Variants in GLRA2 observed in about 807,000 individuals in gnomAD.
GLRA2 encodes glycine receptor subunit alpha-2.
In GLRA2, 11 loss-of-function variants were observed where a neutral mutation model predicts 31.6. That is an observed-to-expected ratio of 0.35 (90% CI 0.22 to 0.58). The LOEUF is 0.58. Among genes scored for constraint, GLRA2 ranks in the 20% least tolerant of loss-of-function variants. The pLI is 0.84. For synonymous variants in GLRA2, 132 were observed against 134.0 expected, an observed-to-expected ratio of 0.99 and a Z score of 0.10; for missense variants, 212 against 351.8, an observed-to-expected ratio of 0.60 and a Z score of 3.18.
chrX:14,625,055 T>A (rs1027656782), intron 7 of GLRA2, among the ~76,000 whole-genome samples: 3 of 112,111 alleles, frequency 2.7e-5, no homozygotes, highest in Non-Finnish European at 5.6e-5. Context: ...GCATGTATCA[T>A]TAGGATAGTT....
At chrX:14,722,703 T>G (rs2091880969) in intron 8 of GLRA2, among the ~76,000 whole-genome samples, 1 of 111,821 alleles carries the variant, frequency 8.9e-6, no homozygotes, top group Non-Finnish European at 1.9e-5. Flanking sequence ...TGGGAACTGC[T>G]TCTCTTCTCT....
intron 7 of GLRA2, among the ~76,000 whole-genome samples, chrX:14,668,141 A>G (rs1046493071): frequency 8.9e-6 from 1 of 112,002 alleles, no homozygotes; most frequent in Admixed American, 9.5e-5. Flanking sequence ...CTGAGGCCTC[A>G]GCTCTTCACT....
At chrX:14,586,033 A>G (rs1239334598) in intron 4 of GLRA2, among the ~76,000 whole-genome samples, 1 of 111,776 alleles carries the variant, frequency 8.9e-6, no homozygotes, top group Non-Finnish European at 1.9e-5. Flanking sequence ...TTAACTCTAT[A>G]TGGGCACCAA....
intron 7 of GLRA2, among the ~76,000 whole-genome samples, chrX:14,618,355 T>A (rs1415349190): frequency 8.9e-6 from 1 of 111,871 alleles, no homozygotes; most frequent in African/African-American, 3.2e-5. Flanking sequence ...CTAAATATGC[T>A]CATTTCATGA....
chrX:14,531,224 T>G (rs1185574282), intron 1 of GLRA2: 2 of 721,008 alleles, frequency 2.8e-6, no homozygotes, highest in African/African-American at 2.2e-5. Context: ...TCCTACAAAA[T>G]ATTTATATCA....
the GLRA2 span, among the ~76,000 whole-genome samples, chrX:14,496,939 C>T: frequency 4.5e-5 from 5 of 111,646 alleles, no homozygotes; most frequent in South Asian, 1.9e-3. Flanking sequence ...ACCAGAGCAT[C>T]AAAGTCCTAG....
chrX:14,523,095 C>T, the GLRA2 span, among the ~76,000 whole-genome samples: 5 of 111,978 alleles, frequency 4.5e-5, no homozygotes, highest in African/African-American at 9.7e-5. Context: ...CTGTTGTTTA[C>T]GCTAACCCCC....
intron 4 of GLRA2, among the ~76,000 whole-genome samples, chrX:14,601,686 G>A (rs1406907529): frequency 3.6e-5 from 4 of 111,494 alleles, no homozygotes; most frequent in East Asian, 2.8e-4. Flanking sequence ...GATTGTCAGC[G>A]TGGATTCTTT....
chrX:14,639,790 C>T (rs190582229), intron 7 of GLRA2, among the ~76,000 whole-genome samples: 18 of 111,775 alleles, frequency 1.6e-4, no homozygotes, highest in African/African-American at 5.5e-4. Context: ...TGTTCACTTG[C>T]CTTATTTGTT....
At chrX:14,511,802 T>C in the GLRA2 span, among the ~76,000 whole-genome samples, 25 of 111,973 alleles carry the variant, frequency 2.2e-4, no homozygotes, top group Non-Finnish European at 4.7e-4. Flanking sequence ...TTGAAGTTTA[T>C]ATAGCCCTAC....
intron 7 of GLRA2, among the ~76,000 whole-genome samples, chrX:14,641,456 C>A (rs988334953): frequency 1.4e-4 from 15 of 111,055 alleles, no homozygotes; most frequent in Non-Finnish European, 2.3e-4. Context: ...TAAAATCCCA[C>A]AGTTTGGTGG....
intron 1 of GLRA2, 52 bp downstream of exon 1, chrX:14,530,177 T>C (rs2089235212): frequency 2.8e-6 from 2 of 718,351 alleles, no homozygotes; most frequent in East Asian, 6.3e-5. Flanking sequence ...AAAGAGAATG[T>C]GTCATGTAAT....
At chrX:14,503,568 G>A in the GLRA2 span, among the ~76,000 whole-genome samples, 1 of 111,667 alleles carries the variant, frequency 9.0e-6, no homozygotes, top group African/African-American at 3.2e-5. Context: ...GTCCCTGGCT[G>A]CAATACTTGC....
intron 7 of GLRA2, among the ~76,000 whole-genome samples, chrX:14,670,657 C>T (rs1323916111): frequency 3.6e-5 from 4 of 110,985 alleles, no homozygotes; most frequent in Admixed American, 9.6e-5. Context: ...GACAACAGCA[C>T]GGGAAAGACC....
intron 7 of GLRA2, among the ~76,000 whole-genome samples, chrX:14,669,912 A>G (rs1362556612): frequency 8.9e-6 from 1 of 112,623 alleles, no homozygotes; most frequent in Non-Finnish European, 1.9e-5. Context: ...ATTTCTCCTC[A>G]GAAAATGGGA....
intron 7 of GLRA2, among the ~76,000 whole-genome samples, chrX:14,619,401 C>G (rs753233852): frequency 7.2e-5 from 8 of 110,713 alleles, no homozygotes; most frequent in Non-Finnish European, 1.3e-4. Context: ...CATAATCTAT[C>G]CCCTATTTCC....
Position 14,730,596 on chromosome X carries a change from G to C in GLRA2, c.*111G>C, listed in dbSNP as rs1371201310. On this transcript the variant is annotated 3_prime_UTR_variant, in exon 9 of 9. Transcript: ENST00000218075. The stretch of plus-strand genomic sequence containing the variant: ...GAGGAGAAGATTGAGGGAGGGGGGA[G>C]GGAGGGTCATGGGGGTGGGTTTCCT... 1 of 116,959 alleles carries C rather than the reference G, an allele frequency of 8.5e-6. No homozygotes were observed. Among genetic ancestry groups the C allele is most frequent in the African/African-American group, 4.2e-5 (1 of 23,778 alleles). The allele number at this position is 116,959 out of a possible 1,213,427, so 9.6% of individuals were successfully genotyped here. A position where few individuals can be genotyped will look rare whatever the true frequency, so the allele number is the denominator to read the frequency against.
chrX:14,620,539 A>G (rs1165821619), intron 7 of GLRA2, among the ~76,000 whole-genome samples: 1 of 110,982 alleles, frequency 9.0e-6, no homozygotes, highest in Non-Finnish European at 1.9e-5. Context: ...CTATCTGTGC[A>G]TTTGAATCTA....
the GLRA2 span, among the ~76,000 whole-genome samples, chrX:14,464,243 C>A: frequency 8.9e-6 from 1 of 111,949 alleles, no homozygotes; most frequent in Non-Finnish European, 1.9e-5. Context: ...GTCTTATTCA[C>A]AATATGTTTT....
Sources: gnomAD v4.1 joint callset for allele counts (sites outside exome capture counted in the v4.1 genomes callset) on GRCh38, gnomAD v4.1.1 for gene constraint, MANE v1.5 for transcripts, NCBI Gene and HGNC (gene_info 2026-07-23, HGNC 2026-07-21) for gene names.